Variants in RNASEH2B observed in about 807,000 individuals in gnomAD.
RNASEH2B encodes the protein Aicardi-Goutieres syndrome 2 protein.
Under a neutral mutation model 45.0 loss-of-function variants are expected in RNASEH2B, and 36 were observed. The observed-to-expected ratio is 0.80, with a 90% CI of 0.61 to 1.06. The LOEUF (loss-of-function observed/expected upper bound fraction) is 1.06. RNASEH2B is among the 50% of genes least tolerant of loss of function. RNASEH2B has a pLI of 0.00. For synonymous variants in RNASEH2B, 119 were observed against 125.7 expected (o/e 0.95, Z 0.35); for missense variants, 361 against 360.3 (o/e 1.00, Z -0.02).
chr13:50,914,381 A>G (rs866829349), intron 1 of RNASEH2B, among the ~76,000 whole-genome samples: 7 of 152,248 alleles, frequency 4.6e-5, no homozygotes, highest in Non-Finnish European at 1.5e-5. Flanking sequence ...TTGGCACATG[A>G]TAGAGAACCT....
At chr13:50,946,763 A>G (rs1951905249) in intron 7 of RNASEH2B, among the ~76,000 whole-genome samples, 1 of 152,174 alleles carries the variant, frequency 6.6e-6, no homozygotes, top group African/African-American at 2.4e-5. Flanking sequence ...ATTGCCATTT[A>G]GTGTCCTGAC....
Position 50,909,960 on chromosome 13 carries a change from C to G in RNASEH2B, c.-117C>G, listed in dbSNP as rs553446261. ...CCCTGGGCCTCCTCCCGGGCGCTGC[C>G]GGTCCCTCAGCGCGCCGCGCCACCC... On this transcript the variant is annotated 5_prime_UTR_variant, in exon 1 of 11. Transcript: ENST00000336617. 894 of 821,614 alleles carry G rather than the reference C, an allele frequency of 1.1e-3. 3 individuals are homozygous for G. Among genetic ancestry groups the G allele is most frequent in the Middle Eastern group, 1.8e-3 (5 of 2,760 alleles). The allele number at this position is 821,614 out of a possible 1,614,324, so 50.9% of individuals were successfully genotyped here.
chr13:50,946,242 A>G (rs1470958485), intron 7 of RNASEH2B, among the ~76,000 whole-genome samples: 1 of 152,236 alleles, frequency 6.6e-6, no homozygotes, highest in Non-Finnish European at 1.5e-5. Context: ...GCAGTTAACA[A>G]TCTCAAATGG....
intron 1 of RNASEH2B, among the ~76,000 whole-genome samples, chr13:50,924,679 C>G (rs1217892179): frequency 6.6e-6 from 1 of 152,144 alleles, no homozygotes; most frequent in African/African-American, 2.4e-5. Context: ...CCACCTTAGC[C>G]TCCCGAGTAG....
chr13:50,940,120 C>G (rs562380746), intron 5 of RNASEH2B, among the ~76,000 whole-genome samples: 1 of 152,314 alleles, frequency 6.6e-6, no homozygotes, highest in Non-Finnish European at 1.5e-5. Context: ...ATGGATGAAT[C>G]TCACAGAAAT....
At chr13:50,942,933 A>G (rs1020868152) in intron 5 of RNASEH2B, 3 of 204,666 alleles carry the variant, frequency 1.5e-5, no homozygotes, top group African/African-American at 7.2e-5. Context: ...TGAATACACA[A>G]TGTAGTCTGG....
intron 1 of RNASEH2B, among the ~76,000 whole-genome samples, chr13:50,916,689 A>G (rs963682618): frequency 6.6e-6 from 1 of 152,234 alleles, no homozygotes; most frequent in African/African-American, 2.4e-5. Context: ...CCTCCTGCAA[A>G]CATCCCTTGG....
chr13:50,930,878 G>A lies in RNASEH2B; in HGVS notation c.321+119G>A, dbSNP rs1951673226. 1.6e-5 allele frequency: 13 copies of A among 820,892 alleles called. No homozygotes were observed. The South Asian group carries it at 1.6e-4, about 10-fold the overall frequency. The allele number at this position is 820,892 out of a possible 1,614,324, so 50.9% of individuals were successfully genotyped here. A position where few individuals can be genotyped will look rare whatever the true frequency, so the allele number is the denominator to read the frequency against. ...ATTCTACCTTCAGATCTATTATAGTGACTAGAGAAAACATGAATCATATGG... is the reference window on the plus strand; with the variant it reads ...ATTCTACCTTCAGATCTATTATAGTAACTAGAGAAAACATGAATCATATGG... On this transcript the variant is annotated intron_variant, in intron 4 of 10. Coordinates refer to ENST00000336617, the MANE Select transcript of RNASEH2B (RefSeq NM_024570.4).
Position 50,930,553 on chromosome 13 carries a change from T to A in RNASEH2B, c.245-130T>A, listed in dbSNP as rs185262865. 1.3e-5 allele frequency: 10 copies of A among 757,930 alleles called. No homozygotes were observed. The African/African-American group carries it at 1.7e-4, about 13-fold the overall frequency. 47.0% of individuals were successfully genotyped at this position (757,930 alleles called of 1,614,324 possible). A position where few individuals can be genotyped will look rare whatever the true frequency, so the allele number is the denominator to read the frequency against. On this transcript the variant is annotated intron_variant, in intron 3 of 10. Transcript: ENST00000336617. ...AATCACATAGACTCTGAGGCCTGTA[T>A]AAGAAGAGATTTGAATTTGGAATTT...
rs2209224 is a variant in RNASEH2B, at chr13:50,919,298, A to G, written c.65-8109A>G. ...AATCATGTACCATTTTGGCTTGTAC[A>G]ATACTTTGTGGCTAACTTTAAAAAA... is the stretch of plus-strand genomic sequence containing the variant. On this transcript the variant is annotated intron_variant, in intron 1 of 10. Transcript: ENST00000336617. 6.6e-3 allele frequency among the ~76,000 whole-genome samples: 1,003 copies of G among 152,336 alleles called. 14 individuals are homozygous for G. Among genetic ancestry groups the G allele is most frequent in the African/African-American group, 0.023 (954 of 41,576 alleles).
chr13:50,929,455 A>C lies in RNASEH2B; in HGVS notation c.137-20A>C. 1 of 1,513,164 alleles carries C rather than the reference A, an allele frequency of 6.6e-7. No individual in the cohort carries two copies. Among genetic ancestry groups the C allele is most frequent in the Non-Finnish European group, 9.2e-7 (1 of 1,088,328 alleles). 93.7% of individuals were successfully genotyped at this position (1,513,164 alleles called of 1,614,324 possible). A position where few individuals can be genotyped will look rare whatever the true frequency, so the allele number is the denominator to read the frequency against. ...GTGTGTGTGAAAACTTACAAATAAAAGACAGATTTGTCTTAACAGGAGAAG... is the reference window on the plus strand; with the variant it reads ...GTGTGTGTGAAAACTTACAAATAAACGACAGATTTGTCTTAACAGGAGAAG... On this transcript the variant is annotated intron_variant, in intron 2 of 10. Coordinates refer to ENST00000336617, the MANE Select transcript of RNASEH2B (RefSeq NM_024570.4).
Position 50,967,907 on chromosome 13 carries a change from G to C in RNASEH2B, c.742-2025G>C, listed in dbSNP as rs180854975. On this transcript the variant is annotated intron_variant, in intron 9 of 9. Coordinates refer to the RNASEH2B transcript ENST00000422660. Reference sequence around the variant, plus strand: ...CCAGGTCTAGAGAAGCAAGTGGGAGGGTGTTTTCCAAGTGTACTTAGAAAA... The same window carrying C: ...CCAGGTCTAGAGAAGCAAGTGGGAGCGTGTTTTCCAAGTGTACTTAGAAAA... Among the ~76,000 whole-genome samples the C allele has an allele frequency of 8.9e-3, 1,359 of 152,132 alleles. 6 individuals are homozygous for C. Among genetic ancestry groups the C allele is most frequent in the Admixed American group, 0.014 (207 of 15,282 alleles).
intron 1 of RNASEH2B, among the ~76,000 whole-genome samples, chr13:50,925,282 T>C (rs1951578569): frequency 6.6e-6 from 1 of 152,212 alleles, no homozygotes; most frequent in Non-Finnish European, 1.5e-5. Context: ...AAAGCCTTTG[T>C]CTATCAATTC....
At chr13:50,949,297 T>C (rs987608894) in intron 8 of RNASEH2B, 166 bp from the exon 9 acceptor site, 7 of 633,452 alleles carry the variant, frequency 1.1e-5, no homozygotes, top group Non-Finnish European at 1.7e-5. Context: ...ACTCATTTAT[T>C]GAGAAAACTT....
At chr13:50,933,051 G>GC (rs1207698592) in intron 4 of RNASEH2B, among the ~76,000 whole-genome samples, 4 of 152,208 alleles carry the variant, frequency 2.6e-5, no homozygotes, top group Non-Finnish European at 5.9e-5. Context: ...AGGCTGGTAA[G>GC]CCTCGTGTCT....
chr13:50,940,951 G>A (rs1275431837), intron 5 of RNASEH2B: 1 of 151,612 alleles, frequency 6.6e-6, no homozygotes, highest in Admixed American at 6.6e-5. Flanking sequence ...TTGGGAGTTG[G>A]GTGCTCTTGC....
At chr13:50,924,176 T>G (rs1424082531) in intron 1 of RNASEH2B, among the ~76,000 whole-genome samples, 1 of 152,126 alleles carries the variant, frequency 6.6e-6, no homozygotes, top group Non-Finnish European at 1.5e-5. Context: ...TTATCCTACC[T>G]TATCCATAAT....
chr13:50,928,741 T>G (rs1053969976), intron 2 of RNASEH2B, among the ~76,000 whole-genome samples: 1 of 152,110 alleles, frequency 6.6e-6, no homozygotes. Flanking sequence ...TTTACAGATG[T>G]GGAAACAGCC....
Position 50,929,547 on chromosome 13 carries a change from A to G in RNASEH2B, c.209A>G (p.His70Arg), listed in dbSNP as rs1400512914. ...LFEVKVFKEK[H>R]HSWFINQSVQ... is the part of the protein sequence containing the mutation. The stretch of plus-strand genomic sequence containing the variant: ...GAAGTAAAAGTTTTCAAGGAAAAAC[A>G]CCATTCTTGGTTTATAAATCAATCA... The change falls in exon 3 of 11, where the codon CAC becomes CGC. Residue 70 changes from histidine (H) to arginine (R), a missense_variant. By Grantham distance (29) the His-to-Arg change is conservative. Transcript: ENST00000336617. 3 of 1,613,016 alleles carry G rather than the reference A, an allele frequency of 1.9e-6. No homozygotes were observed. The highest frequency in any genetic ancestry group is 2.5e-6 in the Non-Finnish European group (3 of 1,179,030).
Sources: gnomAD v4.1 joint callset for allele counts (sites outside exome capture counted in the v4.1 genomes callset) on GRCh38, gnomAD v4.1.1 for gene constraint, MANE v1.5 for transcripts, NCBI Gene and HGNC (gene_info 2026-07-23, HGNC 2026-07-21) for gene names.